The following KIF21A variants were observed in gnomAD, a reference collection of about 807,000 sequenced individuals.
The protein encoded by KIF21A is kinesin-like protein KIF21A.
Under a neutral mutation model 202.9 loss-of-function variants are expected in KIF21A, and 114 were observed. The observed-to-expected ratio is 0.56, with a 90% CI of 0.48 to 0.66. The LOEUF (loss-of-function observed/expected upper bound fraction) is 0.66. Ranked by LOEUF, KIF21A falls within the 30% of genes least tolerant of loss-of-function variation. The pLI, the probability that KIF21A is intolerant of heterozygous loss-of-function variation, is 0.00. For synonymous variants in KIF21A, 667 were observed against 670.8 expected (o/e 0.99, Z 0.09); for missense variants, 1,677 against 1,994.9 (o/e 0.84, Z 3.04).
intron 1 of KIF21A, among the ~76,000 whole-genome samples, chr12:39,426,194 GGA>G (rs1394248414): frequency 1.3e-5 from 2 of 152,134 alleles, no homozygotes; most frequent in Non-Finnish European, 2.9e-5. Context: ...TTTTAGAATT[GGA>G]ATATTTTAAG....
chr12:39,300,496 C>T (rs369240489), intron 37 of KIF21A, among the ~76,000 whole-genome samples: 248 of 152,112 alleles, frequency 1.6e-3, no homozygotes, highest in African/African-American at 5.5e-3. Flanking sequence ...AAAGTAAAGG[C>T]TTCAAAATAA....
intron 16 of KIF21A, among the ~76,000 whole-genome samples, chr12:39,338,784 A>G (rs922478437): frequency 6.6e-6 from 1 of 152,244 alleles, no homozygotes; most frequent in Non-Finnish European, 1.5e-5. Context: ...TAAAAAAATA[A>G]TGTGCATGCC....
At position 39,332,201 on chromosome 12, in the gene KIF21A, A is replaced by G; in HGVS notation, c.3051+13T>C. 6.2e-7 allele frequency: 1 copy of G among 1,610,530 alleles called. No individual in the cohort carries two copies. Among genetic ancestry groups the G allele is most frequent in the South Asian group, 1.1e-5 (1 of 91,020 alleles). ...TTTCATTAAACCATTACGCTTTTTT[A>G]AAAATTACAAACCTTTGCTTCTTCC... On this transcript the variant is annotated intron_variant, in intron 21 of 37. Transcript: ENST00000361418.
chr12:39,413,535 A>G (rs1015889611), intron 1 of KIF21A, among the ~76,000 whole-genome samples: 1 of 152,232 alleles, frequency 6.6e-6, no homozygotes, highest in Non-Finnish European at 1.5e-5. Context: ...ATTCTGACAG[A>G]TAATAATTTT....
chr12:39,356,682 G>A (rs1948798068), intron 10 of KIF21A, 150 bp downstream of exon 10: 1 of 528,986 alleles, frequency 1.9e-6, no homozygotes, highest in Non-Finnish European at 3.4e-6. Context: ...GGAAAGGTAA[G>A]TAAAGAATCT....
intron 23 of KIF21A, 53 bp downstream of exon 23, chr12:39,330,693 A>T: frequency 6.4e-7 from 1 of 1,559,854 alleles, no homozygotes; most frequent in Non-Finnish European, 8.8e-7. Context: ...TACCATGTTC[A>T]AAAAGCAAAG....
intron 36 of KIF21A, among the ~76,000 whole-genome samples, 179 bp from the exon 37 acceptor site, chr12:39,301,858 T>C (rs1278500428): frequency 6.6e-6 from 1 of 152,218 alleles, no homozygotes; most frequent in African/African-American, 2.4e-5. Flanking sequence ...ATAATTTGCT[T>C]CCCAACTTGC....
intron 1 of KIF21A, among the ~76,000 whole-genome samples, chr12:39,421,649 C>T (rs1020055444): frequency 1.4e-4 from 21 of 150,572 alleles, no homozygotes; most frequent in African/African-American, 3.9e-4. Context: ...GCCAGGGCTG[C>T]GCCACTGCAC....
chr12:39,299,959 G>A (rs1701349263), intron 37 of KIF21A, among the ~76,000 whole-genome samples: 1 of 152,090 alleles, frequency 6.6e-6, no homozygotes, highest in African/African-American at 2.4e-5. Flanking sequence ...TGAGGGTGGA[G>A]GGTGGGAGGA....
chr12:39,386,133 C>T (rs1490180634), intron 1 of KIF21A, among the ~76,000 whole-genome samples: 7 of 152,158 alleles, frequency 4.6e-5, no homozygotes, highest in Non-Finnish European at 5.9e-5. Context: ...AAAATCTTTG[C>T]CTGGACACCC....
intron 7 of KIF21A, among the ~76,000 whole-genome samples, chr12:39,358,775 T>G (rs1480060675): frequency 6.6e-6 from 1 of 152,228 alleles, no homozygotes; most frequent in Non-Finnish European, 1.5e-5. Context: ...TGACTTTTGA[T>G]GCCAGCAAAG....
chr12:39,314,601 C>T (rs543548448), intron 31 of KIF21A, among the ~76,000 whole-genome samples: 2 of 151,872 alleles, frequency 1.3e-5, no homozygotes, highest in Admixed American at 1.3e-4. Context: ...CATTTAATAA[C>T]AAATCTTCTT....
At chr12:39,345,402 A>G (rs984047644) in intron 12 of KIF21A, among the ~76,000 whole-genome samples, 1 of 152,088 alleles carries the variant, frequency 6.6e-6, no homozygotes, top group African/African-American at 2.4e-5. Context: ...TATGACCAAT[A>G]AAAAATTAAA....
At chr12:39,306,134 C>G (rs1419533837) in intron 34 of KIF21A, among the ~76,000 whole-genome samples, 1 of 152,148 alleles carries the variant, frequency 6.6e-6, no homozygotes, top group African/African-American at 2.4e-5. Flanking sequence ...GGAATAAAGA[C>G]ATGTATCTAG....
chr12:39,366,530 A>T lies in KIF21A; in HGVS notation c.736-13T>A. On this transcript the variant is annotated splice_polypyrimidine_tract_variant and intron_variant, in intron 5 of 37. Coordinates refer to ENST00000361418, the MANE Select transcript of KIF21A (RefSeq NM_001173464.2). The stretch of plus-strand genomic sequence containing the variant: ...CAGTTGCATTGTCCTGAAATTAAGA[A>T]AAATAATTGAAAATACTTTATTAAT... 6.5e-7 allele frequency: 1 copy of T among 1,527,114 alleles called. No individual in the cohort carries two copies. Among genetic ancestry groups the T allele is most frequent in the East Asian group, 2.3e-5 (1 of 43,118 alleles). The allele number at this position is 1,527,114 out of a possible 1,614,324, so 94.6% of individuals were successfully genotyped here.
At chr12:39,317,124 T>C (rs1944638238) in intron 29 of KIF21A, among the ~76,000 whole-genome samples, 1 of 152,160 alleles carries the variant, frequency 6.6e-6, no homozygotes, top group Non-Finnish European at 1.5e-5. Context: ...GTAAAGAACA[T>C]ATCTTCTACT....
At chr12:39,341,135 C>A in intron 14 of KIF21A, 41 bp from the exon 15 acceptor site, 1 of 1,402,988 alleles carries the variant, frequency 7.1e-7, no homozygotes, top group Non-Finnish European at 9.9e-7. Flanking sequence ...GGTGCTAGGC[C>A]AAAATATCAG....
At chr12:39,393,587 TC>T (rs1415666172) in intron 1 of KIF21A, among the ~76,000 whole-genome samples, 2 of 152,118 alleles carry the variant, frequency 1.3e-5, no homozygotes, top group Admixed American at 6.5e-5. Flanking sequence ...CACTGTTATT[TC>T]CCCACTTGGT....
chr12:39,326,187 G>A lies in KIF21A; in HGVS notation c.3401+77C>T, dbSNP rs183268416. ...GATTGAAAATTATTTCTGTTTTATGGTAATTGTTTGATACAAGATGAAAGT... is the reference window on the plus strand; with the variant it reads ...GATTGAAAATTATTTCTGTTTTATGATAATTGTTTGATACAAGATGAAAGT... On this transcript the variant is annotated intron_variant, in intron 25 of 37. Transcript: ENST00000361418. 2.3e-4 allele frequency: 249 copies of A among 1,095,190 alleles called. 1 individual carries two copies. Among genetic ancestry groups the A allele is most frequent in the Middle Eastern group, 1.9e-3 (7 of 3,778 alleles). The allele number at this position is 1,095,190 out of a possible 1,614,324, so 67.8% of individuals were successfully genotyped here.
Sources: gnomAD v4.1 joint callset for allele counts (sites outside exome capture counted in the v4.1 genomes callset) on GRCh38, gnomAD v4.1.1 for gene constraint, MANE v1.5 for transcripts, NCBI Gene and HGNC (gene_info 2026-07-23, HGNC 2026-07-21) for gene names.